Variants in CDH10 observed in about 807,000 individuals in gnomAD.
The protein encoded by CDH10 is cadherin 10.
A neutral mutation model predicts 73.1 loss-of-function variants in CDH10; 30 were observed. The observed-to-expected ratio is 0.41, with a 90% CI of 0.31 to 0.56. CDH10 has a LOEUF of 0.56. CDH10 is among the 20% of genes least tolerant of loss of function. The probability of loss-of-function intolerance (pLI) is 0.27; values close to 1 mark genes in which losing one functional copy is unlikely to be tolerated. For synonymous variants in CDH10, 345 were observed against 348.2 expected (o/e 0.99, Z 0.10); for missense variants, 815 against 973.7 (o/e 0.84, Z 2.17).
At chr5:24,513,350 T>A (rs913435547) in intron 5 of CDH10, among the ~76,000 whole-genome samples, 3 of 152,026 alleles carry the variant, frequency 2.0e-5, no homozygotes, top group Non-Finnish European at 4.4e-5. Context: ...TTCTCTCACA[T>A]AAAATTCCTT....
chr5:24,624,160 T>C (rs1747412198), intron 1 of CDH10, among the ~76,000 whole-genome samples: 1 of 152,070 alleles, frequency 6.6e-6, no homozygotes, highest in East Asian at 1.9e-4. Flanking sequence ...AGAAACAACT[T>C]ATAAACCAAT....
intron 5 of CDH10, among the ~76,000 whole-genome samples, chr5:24,518,650 C>G (rs1743197747): frequency 6.6e-6 from 1 of 152,024 alleles, no homozygotes; most frequent in African/African-American, 2.4e-5. Flanking sequence ...GCAGGTTTCC[C>G]TGCCTCCAAG....
Position 24,640,995 on chromosome 5 carries a change from C to G in CDH10, c.-124+3599G>C, listed in dbSNP as rs186768387. Among the ~76,000 whole-genome samples the G allele has an allele frequency of 4.1e-3, 623 of 152,058 alleles. 2 individuals carry two copies. Among genetic ancestry groups the G allele is most frequent in the Admixed American group, 0.011 (165 of 15,248 alleles). ...AACAGGTCAGATTATTTCAACTCAT[C>G]ATTGTTAATATTTCATTAAGAATAA... is the stretch of plus-strand genomic sequence containing the variant. On this transcript the variant is annotated intron_variant, in intron 1 of 11. Transcript: ENST00000264463.
At chr5:24,605,924 C>T (rs112121193) in intron 1 of CDH10, among the ~76,000 whole-genome samples, 3,703 of 152,212 alleles carry the variant, frequency 0.024, 94 homozygotes, top group African/African-American at 0.07. Flanking sequence ...AATTGACACA[C>T]GGATGAATCT....
intron 2 of CDH10, among the ~76,000 whole-genome samples, chr5:24,540,328 G>C (rs1744105108): frequency 1.3e-5 from 2 of 151,970 alleles, no homozygotes; most frequent in Admixed American, 1.3e-4. Flanking sequence ...GCAAGATAGA[G>C]GTCATTAAAA....
intron 8 of CDH10, among the ~76,000 whole-genome samples, chr5:24,503,020 T>C (rs1323430105): frequency 6.6e-6 from 1 of 152,128 alleles, no homozygotes; most frequent in Non-Finnish European, 1.5e-5. Context: ...ATGAAAAAAA[T>C]GGATCATTTG....
intron 2 of CDH10, among the ~76,000 whole-genome samples, chr5:24,565,485 TTGAA>T (rs1387734249): frequency 1.3e-5 from 2 of 152,120 alleles, no homozygotes; most frequent in Non-Finnish European, 2.9e-5. Flanking sequence ...TACAAAATTG[TTGAA>T]TGAAAGAAGT....
At chr5:24,573,552 T>G (rs1483929704) in intron 2 of CDH10, among the ~76,000 whole-genome samples, 1 of 151,380 alleles carries the variant, frequency 6.6e-6, no homozygotes, top group African/African-American at 2.4e-5. Flanking sequence ...ATACAGAAAA[T>G]TAGCCGAGCG....
chr5:24,625,572 T>TTC (rs1253116955), intron 1 of CDH10, among the ~76,000 whole-genome samples: 3 of 36,856 alleles, frequency 8.1e-5, no homozygotes, highest in East Asian at 3.2e-3. Context: ...TTCATATATA[T>TTC]ACATATATTC....
intron 5 of CDH10, among the ~76,000 whole-genome samples, chr5:24,524,829 C>A (rs1032730783): frequency 6.6e-6 from 1 of 152,092 alleles, no homozygotes; most frequent in African/African-American, 2.4e-5. Flanking sequence ...TAAATAAGTG[C>A]ACTTTCATCC....
Position 24,487,769 on chromosome 5 carries a change from C to G in CDH10, c.2261G>C (p.Gly754Ala), listed in dbSNP as rs755145915. 6.2e-7 allele frequency: 1 copy of G among 1,613,772 alleles called. No homozygotes were observed. The highest frequency in any genetic ancestry group is 2.2e-5 in the East Asian group (1 of 44,854). The change falls in exon 12 of 12, where the codon GGT (glycine) becomes GCT (alanine). Residue 754 changes from glycine (G) to alanine (A), a missense_variant. Around this residue, in one of 3 missense-constraint regions of CDH10, gnomAD observed 241 missense variants for 240.3 expected, o/e 1.00. Transcript: ENST00000264463. ...IAESLSSLES[G>A]TTEGDQNYDY... is the part of the protein sequence containing the mutation. Reference sequence around the variant, plus strand: ...GTAGTTTTGGTCTCCTTCAGTAGTACCTGATTCTAATGAACTCAGAGATTC... The same window carrying G: ...GTAGTTTTGGTCTCCTTCAGTAGTAGCTGATTCTAATGAACTCAGAGATTC...
chr5:24,607,528 T>G (rs1453561095), intron 1 of CDH10, among the ~76,000 whole-genome samples: 1 of 152,176 alleles, frequency 6.6e-6, no homozygotes, highest in Non-Finnish European at 1.5e-5. Context: ...GGAAAAATAT[T>G]TTTATGACTT....
chr5:24,542,960 C>T (rs1189937985), intron 2 of CDH10, among the ~76,000 whole-genome samples: 3 of 151,912 alleles, frequency 2.0e-5, no homozygotes, highest in African/African-American at 7.3e-5. Flanking sequence ...GTGGTGAGGC[C>T]ACAAATATTC....
intron 2 of CDH10, among the ~76,000 whole-genome samples, chr5:24,579,047 G>T (rs1745697341): frequency 6.6e-6 from 1 of 151,762 alleles, no homozygotes; most frequent in East Asian, 1.9e-4. Context: ...ATTATTTAAG[G>T]TAATCACTCA....
At chr5:24,587,405 T>C (rs570967192) in intron 2 of CDH10, among the ~76,000 whole-genome samples, 19 of 152,286 alleles carry the variant, frequency 1.2e-4, no homozygotes, top group Non-Finnish European at 2.2e-4. Context: ...ATTGCACATA[T>C]AATTATGTAT....
chr5:24,599,148 T>C (rs1338336254), intron 1 of CDH10, among the ~76,000 whole-genome samples: 3 of 152,162 alleles, frequency 2.0e-5, no homozygotes, highest in African/African-American at 7.2e-5. Flanking sequence ...AGATGTGACA[T>C]TGCACCTGCT....
chr5:24,493,877 G>A (rs1742161378), intron 9 of CDH10, among the ~76,000 whole-genome samples: 1 of 151,104 alleles, frequency 6.6e-6, no homozygotes, highest in South Asian at 2.1e-4. Flanking sequence ...ATGTCTTGTT[G>A]GTTAAACAAG....
rs1359427941 is a variant in CDH10, at chr5:24,604,882, AAAAAAAAAAAAAAC to A, written c.-123-11283_-123-11270del. Among the ~76,000 whole-genome samples the A allele has an allele frequency of 2.5e-3, 381 of 150,934 alleles. 2 individuals are homozygous for A. Among genetic ancestry groups the A allele is most frequent in the African/African-American group, 8.9e-3 (360 of 40,526 alleles). ...GAGCAAGATGTCTCTAAAAAAAAAA[AAAAAAAAAAAAAAC>A]AAAAACAAACAAACAAACAAAAGAA... On this transcript the variant is annotated intron_variant, in intron 1 of 11. Transcript: ENST00000264463.
chr5:24,563,814 G>A (rs1206961039), intron 2 of CDH10, among the ~76,000 whole-genome samples: 1 of 149,164 alleles, frequency 6.7e-6, no homozygotes, highest in African/African-American at 2.5e-5. Context: ...AAAAAACTAT[G>A]TAAATATCCC....
Sources: gnomAD v4.1 joint callset for allele counts (sites outside exome capture counted in the v4.1 genomes callset) on GRCh38, gnomAD v4.1.1 for gene constraint, gnomAD v4.1.1 regional missense constraint, MANE v1.5 for transcripts, NCBI Gene and HGNC (gene_info 2026-07-23, HGNC 2026-07-21) for gene names.